The following HPS5 variants were observed in gnomAD, a reference collection of about 807,000 sequenced individuals.
The protein encoded by HPS5 is BLOC-2 complex member HPS5.
HPS5 carries 83 observed loss-of-function variants against 128.0 expected under a neutral mutation model. The observed-to-expected ratio is 0.65, with a 90% CI of 0.54 to 0.78. The LOEUF (loss-of-function observed/expected upper bound fraction) is 0.78. Ranked by LOEUF, HPS5 falls within the 30% of genes least tolerant of loss-of-function variation. The pLI is 0.00. For missense variants in HPS5, 1,281 were observed against 1,326.2 expected (o/e 0.97, Z 0.53); for synonymous variants, 475 against 470.2 (o/e 1.01, Z -0.13).
chr11:18,291,479 GCTATTACTGTAA>G lies in HPS5; in HGVS notation c.2391_2402del (p.Tyr798_Ser801del), dbSNP rs1860398532. On this transcript the variant is annotated inframe_deletion, in exon 16 of 23. Transcript: ENST00000349215. ...CAATAAAAGTATCCCAAACAGAAGG[GCTATTACTGTAA>G]CTAAGCTTGATACTCTCCTTCGCTC... 6.2e-7 allele frequency: 1 copy of G among 1,611,868 alleles called. No individual in the cohort carries two copies. Among genetic ancestry groups the G allele is most frequent in the South Asian group, 1.1e-5 (1 of 90,976 alleles).
Position 18,311,392 on chromosome 11 carries a change from A to T in HPS5, c.279T>A (p.Ala93=). 1 of 1,600,132 alleles carries T rather than the reference A, an allele frequency of 6.2e-7. No homozygotes were observed. Residue 93 remains alanine (A), a synonymous_variant, in exon 4 of 23, where the codon GCT becomes GCA. Coordinates refer to ENST00000349215, the MANE Select transcript of HPS5 (RefSeq NM_181507.2). ...GTTTTGGAACAGATTCTTACCTGGT[A>T]GCTACAGCAACATAATCATCATCAT... is the stretch of plus-strand genomic sequence containing the variant. ...CLHDDDYVAV[A]TSQGLVVVWE...
chr11:18,293,612 A>G (rs372748523), intron 14 of HPS5, among the ~76,000 whole-genome samples: 6 of 152,210 alleles, frequency 3.9e-5, no homozygotes, highest in African/African-American at 1.4e-4. Context: ...AACTAAGTAT[A>G]ATTTAAAAAA....
At chr11:18,296,151 A>G (rs747059532) in intron 12 of HPS5, 29 bp from the exon 13 acceptor site, 3 of 1,609,630 alleles carry the variant, frequency 1.9e-6, no homozygotes, top group Non-Finnish European at 2.6e-6. Flanking sequence ...AAAAAAAGAA[A>G]CAAAATCTAA....
intron 7 of HPS5, 122 bp downstream of exon 7, chr11:18,306,013 T>A: frequency 1.3e-6 from 1 of 785,952 alleles, no homozygotes; most frequent in Non-Finnish European, 2.2e-6. Context: ...ATTACAGGCG[T>A]GTGCCAACAC....
At chr11:18,306,012 G>A (rs985283513) in intron 7 of HPS5, 123 bp downstream of exon 7, 19 of 777,882 alleles carry the variant, frequency 2.4e-5, no homozygotes, top group East Asian at 7.8e-5. Flanking sequence ...GATTACAGGC[G>A]TGTGCCAACA....
intron 12 of HPS5, 123 bp from the exon 13 acceptor site, chr11:18,296,245 A>G: frequency 1.0e-6 from 1 of 962,504 alleles, no homozygotes; most frequent in Non-Finnish European, 1.6e-6. Flanking sequence ...CAAAATCACA[A>G]CTGACCCAGA....
rs1283456280 is a variant in HPS5 at position 18,282,058 on chromosome 11, C to T, written c.3221G>A (p.Gly1074Asp). 1 of 1,614,208 alleles carries T rather than the reference C, an allele frequency of 6.2e-7. No homozygotes were observed. Among genetic ancestry groups the T allele is most frequent in the Non-Finnish European group, 8.5e-7 (1 of 1,180,026 alleles). ...TAGCAGTGACCAAGCCCGATCTGGG[C>T]CCATGGCCTTAGCTAACAGAAGTGC... ...NVALLLAKAM[G>D]PDRAWSLLQE... The change falls in exon 22 of 23, where the codon GGC becomes GAC. Residue 1074 changes from glycine (G) to aspartate (D), a missense_variant. By Grantham distance (94) the Gly-to-Asp change is moderately conservative. Transcript: ENST00000349215.
In HPS5 at chr11:18,298,823, C is replaced by T. The variant is rs1463604193; in HGVS notation, c.1133G>A (p.Cys378Tyr). The change falls in exon 10 of 23, where the codon TGT becomes TAT. Residue 378 changes from cysteine (C) to tyrosine (Y), a missense_variant. Cys to Tyr is a radical substitution (Grantham distance 194). Coordinates refer to ENST00000349215, the MANE Select transcript of HPS5 (RefSeq NM_181507.2). ...GGCAATGACAGAATTTTGGAAAAGA[C>T]AGCATGTACGAGCAGCCAAGTTCCA... is the stretch of plus-strand genomic sequence containing the variant. Reference protein sequence around the residue: ...GLWNLAARTCCLFQNSVIASR... With the variant: ...GLWNLAARTCYLFQNSVIASR... 2.5e-6 allele frequency: 4 copies of T among 1,614,084 alleles called. No individual in the cohort carries two copies. The highest frequency in any genetic ancestry group is 3.4e-6 in the Non-Finnish European group (4 of 1,180,050).
intron 2 of HPS5, among the ~76,000 whole-genome samples, chr11:18,317,057 G>A (rs1863707706): frequency 6.6e-6 from 1 of 152,048 alleles, no homozygotes. Context: ...AGCCAGACGT[G>A]GTGGCGGGCA....
chr11:18,297,701 G>A lies in HPS5; in HGVS notation c.1181C>T (p.Thr394Ile), dbSNP rs764092787. The A allele has an allele frequency of 6.8e-6, 11 of 1,613,880 alleles. No individual in the cohort carries two copies. The Admixed American group carries it at 1.8e-4, about 27-fold the overall frequency. The stretch of plus-strand genomic sequence containing the variant: ...TTTCAAATGCTCCAATTTATCTGCA[G>A]TCAAAGTTTTTCTTGCCTAATAAAA... ...VIASRARKTL[T>I]ADKLEHLKSQ... The change falls in exon 11 of 23, where the codon ACT (threonine) becomes ATT (isoleucine). Residue 394 changes from threonine to isoleucine, a missense_variant. Coordinates refer to ENST00000349215, the MANE Select transcript of HPS5 (RefSeq NM_181507.2).
At chr11:18,319,839 C>T (rs1864103992) in intron 1 of HPS5, among the ~76,000 whole-genome samples, 1 of 152,104 alleles carries the variant, frequency 6.6e-6, no homozygotes, top group African/African-American at 2.4e-5. Context: ...TGGGGAGACT[C>T]TTCAACAGAT....
Position 18,291,723 on chromosome 11 carries a change from A to G in HPS5, c.2159T>C (p.Leu720Pro). 1 of 1,614,258 alleles carries G rather than the reference A, an allele frequency of 6.2e-7. No individual in the cohort carries two copies. The change falls in exon 16 of 23, where the codon CTG becomes CCG. Residue 720 changes from leucine to proline, a missense_variant. By Grantham distance (98) the Leu-to-Pro change is moderately conservative. Transcript: ENST00000349215. ...VRSPRESLDD[L>P]FQICSPCAIA... The stretch of plus-strand genomic sequence containing the variant: ...GGCGCATGGAGAACATATTTGAAAC[A>G]GGTCATCCAAAGACTCCCTTGGACT...
rs373281813 is a variant in HPS5 at position 18,295,010 on chromosome 11, A to C, written c.1784+10T>G. 70 of 1,613,790 alleles carry C rather than the reference A, an allele frequency of 4.3e-5. No homozygotes were observed. The highest frequency in any genetic ancestry group is 5.9e-5 in the Non-Finnish European group (70 of 1,179,848). On this transcript the variant is annotated intron_variant, in intron 14 of 22. Transcript: ENST00000349215. ...CTAGAATGTATAGAGATTTATGTGT[A>C]AGGGCTTACTCAGTGTCTTCCTCCT...
Position 18,283,874 on chromosome 11 carries a change from A to G in HPS5, c.2979T>C (p.Cys993=). ...CGFWPGYLIL[C]LELERRREAF... is the part of the protein sequence containing the mutation. ...CCTCTCTTCTTCTCTCCAGCTCCAA[A>G]CAGAGAATTAGATATCCAGGCCAGA... is the stretch of plus-strand genomic sequence containing the variant. Residue 993 remains cysteine (C), a synonymous_variant, in exon 21 of 23, where the codon TGT becomes TGC. Transcript: ENST00000349215. 6.2e-7 allele frequency: 1 copy of G among 1,613,122 alleles called. No individual in the cohort carries two copies. Among genetic ancestry groups the G allele is most frequent in the Non-Finnish European group, 8.5e-7 (1 of 1,179,412 alleles).
At chr11:18,282,466 C>A (rs907172589) in intron 21 of HPS5, among the ~76,000 whole-genome samples, 1 of 151,202 alleles carries the variant, frequency 6.6e-6, no homozygotes, top group African/African-American at 2.4e-5. Context: ...GGTCTCACTA[C>A]CATGTTGCCC....
chr11:18,306,160 G>T lies in HPS5; in HGVS notation c.799C>A (p.Pro267Thr). The T allele has an allele frequency of 6.2e-7, 1 of 1,612,950 alleles. No individual in the cohort carries two copies. The highest frequency in any genetic ancestry group is 8.5e-7 in the Non-Finnish European group (1 of 1,178,942). Residue 267 changes from proline to threonine, a missense_variant, in exon 7 of 23, where the codon CCA becomes ACA. Pro to Thr is a conservative substitution (Grantham distance 38). Transcript: ENST00000349215. ...CTGAGAGTAATCACAGGGAGAGGTGGCAACGAGAGGAGTTTCTTGAACTGA... is the reference window on the plus strand; with the variant it reads ...CTGAGAGTAATCACAGGGAGAGGTGTCAACGAGAGGAGTTTCTTGAACTGA... ...THQFKKLLSL[P>T]PLPVITLRSE...
chr11:18,297,499 G>T, intron 11 of HPS5, 60 bp downstream of exon 11: 1 of 1,518,226 alleles, frequency 6.6e-7, no homozygotes, highest in Non-Finnish European at 9.1e-7. Flanking sequence ...AGGTAAATAA[G>T]AACAACCGAA....
intron 1 of HPS5, among the ~76,000 whole-genome samples, chr11:18,321,512 TCA>T (rs1864346978): frequency 6.6e-6 from 1 of 152,216 alleles, no homozygotes; most frequent in Admixed American, 6.5e-5. Flanking sequence ...TGCCCAAGGA[TCA>T]CAGAGTTCAT....
In HPS5 at chr11:18,280,624, G is replaced by A. The variant is rs1188998461; in HGVS notation, c.3330-682C>T. Reference sequence around the variant, plus strand: ...CAGCGTTATTCACAATAGCCAGAAAGTGGAAGCAATTCAAGTGTCTGTCAA... The same window carrying A: ...CAGCGTTATTCACAATAGCCAGAAAATGGAAGCAATTCAAGTGTCTGTCAA... On this transcript the variant is annotated intron_variant, in intron 22 of 22. Coordinates refer to ENST00000349215, the MANE Select transcript of HPS5 (RefSeq NM_181507.2). 1.2e-4 allele frequency: 86 copies of A among 693,354 alleles called. 1 individual carries two copies. The East Asian group carries it at 2.1e-3, about 17-fold the overall frequency. 43.0% of individuals were successfully genotyped at this position (693,354 alleles called of 1,614,324 possible).
Sources: allele counts gnomAD v4.1 joint callset (sites outside exome capture counted in the v4.1 genomes callset), GRCh38; gene constraint gnomAD v4.1.1; transcripts MANE v1.5; gene names NCBI Gene and HGNC (gene_info 2026-07-23, HGNC 2026-07-21).